The following SPATA22 variants were observed in gnomAD, a reference collection of about 807,000 sequenced individuals.
SPATA22 encodes spermatogenesis associated 22.
In SPATA22, 29 loss-of-function variants were observed where a neutral mutation model predicts 47.8. The ratio of observed to expected loss-of-function variants is 0.61; its 90% CI spans 0.45 to 0.83. SPATA22 has a LOEUF of 0.83. Among genes scored for constraint, SPATA22 ranks in the 40% least tolerant of loss-of-function variants. SPATA22 has a pLI of 0.00. For synonymous variants in SPATA22, 133 were observed against 140.9 expected, an observed-to-expected ratio of 0.94 and a Z score of 0.40; for missense variants, 410 against 421.7, an observed-to-expected ratio of 0.97 and a Z score of 0.24.
intron 1 of SPATA22, among the ~76,000 whole-genome samples, chr17:3,486,551 C>T (rs2073725613): frequency 6.6e-6 from 1 of 152,092 alleles, no homozygotes; most frequent in Admixed American, 6.6e-5. Flanking sequence ...ACATGCAGCC[C>T]CACACTCTCA....
chr17:3,504,215 G>A (rs2074020393), intron 1 of SPATA22, among the ~76,000 whole-genome samples: 1 of 152,076 alleles, frequency 6.6e-6, no homozygotes, highest in African/African-American at 2.4e-5. Flanking sequence ...ACCTGACTTT[G>A]TTGCCACTTT....
chr17:3,484,769 G>A (rs987603431), intron 1 of SPATA22, among the ~76,000 whole-genome samples: 5 of 152,150 alleles, frequency 3.3e-5, no homozygotes, highest in African/African-American at 7.2e-5. Flanking sequence ...GGGACCAGCA[G>A]CAGACAATTG....
Position 3,485,153 on chromosome 17 carries a change from G to A in SPATA22, c.-73-15755C>T, listed in dbSNP as rs2073697473. 1.3e-5 allele frequency among the ~76,000 whole-genome samples: 2 copies of A among 152,090 alleles called. No homozygotes were observed. Among genetic ancestry groups the A allele is most frequent in the African/African-American group, 4.8e-5 (2 of 41,400 alleles). On this transcript the variant is annotated intron_variant, in intron 1 of 8. Transcript: ENST00000541913. The surrounding 1 kb of genome is among the most constrained non-coding windows in gnomAD (Gnocchi z 4.4). ...CCCATCTCAGCCTCCCAAGTAGCTT[G>A]AACTACAGGCACGTGCCACCACATT...
upstream of SPATA22, chr17:3,475,583 G>A (rs747591532): frequency 2.6e-5 from 4 of 153,588 alleles, no homozygotes; most frequent in African/African-American, 4.8e-5. Flanking sequence ...AATGGGCGCC[G>A]GTTCAAGAGG....
In SPATA22 at chr17:3,467,417, T is replaced by G. The variant is rs1370771332; in HGVS notation, c.172+9A>C. 2.5e-6 allele frequency: 4 copies of G among 1,574,428 alleles called. No individual in the cohort carries two copies. The highest frequency in any genetic ancestry group is 3.4e-6 in the Non-Finnish European group (4 of 1,165,282). ...TTCCTGAAAATTTTTACCTTATTAA[T>G]TTTCTTACCTGTAGGTAGAGGAGGA... On this transcript the variant is annotated intron_variant, in intron 3 of 8. Coordinates refer to ENST00000572969, the MANE Select transcript of SPATA22 (RefSeq NM_001170698.2).
At chr17:3,463,510 C>T (rs2073177974) in intron 3 of SPATA22, among the ~76,000 whole-genome samples, 1 of 152,084 alleles carries the variant, frequency 6.6e-6, no homozygotes, top group African/African-American at 2.4e-5. Flanking sequence ...ACCAATACAC[C>T]TAAGAGGGCA....
intron 6 of SPATA22, 77 bp downstream of exon 6, chr17:3,448,730 T>C (rs1390435236): frequency 2.8e-6 from 3 of 1,065,054 alleles, no homozygotes; most frequent in Non-Finnish European, 2.7e-6. Context: ...GGCGCTCTTA[T>C]CTCTGTAGTT....
At chr17:3,494,874 G>A (rs556858272) in intron 1 of SPATA22, among the ~76,000 whole-genome samples, 34 of 152,244 alleles carry the variant, frequency 2.2e-4, no homozygotes, top group Admixed American at 1.9e-3. Flanking sequence ...ATACAGGGAC[G>A]GAAGTTAGAA....
chr17:3,477,506 T>G (rs1567609236), intron 1 of SPATA22, among the ~76,000 whole-genome samples: 1 of 152,138 alleles, frequency 6.6e-6, no homozygotes. Context: ...CAGTCTGGAG[T>G]GCAATGGTGC....
intron 8 of SPATA22, among the ~76,000 whole-genome samples, chr17:3,442,266 T>C (rs1300460917): frequency 6.6e-6 from 1 of 152,034 alleles, no homozygotes; most frequent in Non-Finnish European, 1.5e-5. Flanking sequence ...TATATTCATG[T>C]TTCATCATTT....
intron 6 of SPATA22, among the ~76,000 whole-genome samples, chr17:3,447,247 A>C (rs1328672530): frequency 1.3e-5 from 2 of 152,270 alleles, no homozygotes; most frequent in Admixed American, 6.6e-5. Context: ...CAAGTATAAA[A>C]GCCCTGAGAT....
intron 7 of SPATA22, among the ~76,000 whole-genome samples, chr17:3,445,613 A>G (rs907173106): frequency 6.6e-6 from 1 of 152,134 alleles, no homozygotes; most frequent in African/African-American, 2.4e-5. Flanking sequence ...TTTGTTACGC[A>G]GCAATTGAAA....
At position 3,485,307 on chromosome 17, in the gene SPATA22, T is replaced by C. The variant is rs1282854350; in HGVS notation, c.-73-15909A>G. ...TTACAAGCGTGAGCCACCACACCTGTACCTCATTCACAGTTTTAATCACAC... is the reference window on the plus strand; with the variant it reads ...TTACAAGCGTGAGCCACCACACCTGCACCTCATTCACAGTTTTAATCACAC... On this transcript the variant is annotated intron_variant, in intron 1 of 8. Coordinates refer to the SPATA22 transcript ENST00000541913. The surrounding 1 kb of genome is among the most constrained non-coding windows in gnomAD (Gnocchi z 4.4). Among the ~76,000 whole-genome samples the C allele has an allele frequency of 6.6e-6, 1 of 152,116 alleles. No homozygotes were observed. Among genetic ancestry groups the C allele is most frequent in the East Asian group, 1.9e-4 (1 of 5,188 alleles).
At chr17:3,471,148 C>G (rs1222314834) in intron 1 of SPATA22, among the ~76,000 whole-genome samples, 2 of 149,112 alleles carry the variant, frequency 1.3e-5, no homozygotes, top group African/African-American at 2.5e-5. Context: ...GAGCGAGACT[C>G]TAGGGAAAAA....
At chr17:3,448,701 T>C (rs1333444662) in intron 6 of SPATA22, 106 bp downstream of exon 6, 3 of 763,434 alleles carry the variant, frequency 3.9e-6, no homozygotes, top group South Asian at 4.1e-5. Flanking sequence ...AAGTAATGTA[T>C]GTCATGGAAT....
intron 8 of SPATA22, 69 bp from the exon 9 acceptor site, chr17:3,440,407 T>A: frequency 7.4e-7 from 1 of 1,344,714 alleles, no homozygotes; most frequent in Non-Finnish European, 1.0e-6. Context: ...TTTAAATATT[T>A]ATGTGATCAA....
intron 1 of SPATA22, chr17:3,481,732 G>A (rs746938625): frequency 1.2e-6 from 2 of 1,613,692 alleles, no homozygotes; most frequent in African/African-American, 1.3e-5. Context: ...CCTCTAACAT[G>A]GGGTGCACTC....
intron 1 of SPATA22, among the ~76,000 whole-genome samples, chr17:3,486,084 C>G (rs1420151475): frequency 2.6e-5 from 4 of 152,108 alleles, no homozygotes; most frequent in Non-Finnish European, 4.4e-5. Context: ...AGGTGCCCAC[C>G]ACCATACCCA....
chr17:3,476,879 T>C (rs2073532148), intron 1 of SPATA22, among the ~76,000 whole-genome samples: 3 of 152,216 alleles, frequency 2.0e-5, no homozygotes, highest in African/African-American at 4.8e-5. Context: ...GAAAGCGTGA[T>C]TAAATATCTT....
Sources: allele counts gnomAD v4.1 joint callset (sites outside exome capture counted in the v4.1 genomes callset), GRCh38; gene constraint gnomAD v4.1.1; non-coding constraint Gnocchi (gnomAD v3.1); transcripts MANE v1.5; gene names NCBI Gene and HGNC (gene_info 2026-07-23, HGNC 2026-07-21).